The following SLC4A5 variants were observed in gnomAD, a reference collection of about 807,000 sequenced individuals.
SLC4A5 encodes the protein electrogenic sodium bicarbonate cotransporter 4.
A neutral mutation model predicts 120.4 loss-of-function variants in SLC4A5; 96 were observed. That is an observed-to-expected ratio of 0.80 (90% CI 0.68 to 0.94). The LOEUF is 0.94. Ranked by LOEUF, SLC4A5 falls within the 40% of genes least tolerant of loss-of-function variation. The pLI is 0.00. For missense variants in SLC4A5, 1,259 were observed against 1,459.5 expected (o/e 0.86, Z 2.24); for synonymous variants, 550 against 571.1 (o/e 0.96, Z 0.53).
intron 15 of SLC4A5, 27 bp downstream of exon 15, chr2:74,252,947 C>G: frequency 1.2e-6 from 2 of 1,612,544 alleles, no homozygotes; most frequent in East Asian, 4.5e-5. Context: ...TCCTTTTTCT[C>G]TCCCTACTGC....
chr2:74,330,975 G>A (rs112650891), intron 4 of SLC4A5, among the ~76,000 whole-genome samples: 9,745 of 90,526 alleles, frequency 0.11, no homozygotes, highest in Non-Finnish European at 0.11. Context: ...GATGGTGGTG[G>A]TGAGGTCTAG....
At chr2:74,270,088 A>T (rs1671425902) in intron 8 of SLC4A5, among the ~76,000 whole-genome samples, 1 of 152,236 alleles carries the variant, frequency 6.6e-6, no homozygotes, top group African/African-American at 2.4e-5. Flanking sequence ...CCAATGCCAG[A>T]ACTAGACTCT....
chr2:74,267,817 G>A (rs1465360849), intron 8 of SLC4A5, among the ~76,000 whole-genome samples: 6 of 152,136 alleles, frequency 3.9e-5, no homozygotes, highest in African/African-American at 1.4e-4. Context: ...GCAACATGGT[G>A]AAACCCTGAC....
chr2:74,237,919 T>C (rs906288152), intron 21 of SLC4A5, among the ~76,000 whole-genome samples: 3 of 152,010 alleles, frequency 2.0e-5, no homozygotes, highest in African/African-American at 4.8e-5. Flanking sequence ...CTGGCCAGCA[T>C]GGTGAAACCC....
intron 7 of SLC4A5, among the ~76,000 whole-genome samples, chr2:74,291,695 C>T (rs1672177896): frequency 6.6e-6 from 1 of 152,194 alleles, no homozygotes; most frequent in Non-Finnish European, 1.5e-5. Context: ...GTTTTGAACT[C>T]CTGTGCTCAG....
At chr2:74,324,292 G>A (rs1210355332) in intron 5 of SLC4A5, among the ~76,000 whole-genome samples, 1 of 152,186 alleles carries the variant, frequency 6.6e-6, no homozygotes, top group Non-Finnish European at 1.5e-5. Context: ...TTGGGGTCTC[G>A]CTTTGTCGCC....
At chr2:74,280,156 A>G (rs1278427923) in intron 8 of SLC4A5, among the ~76,000 whole-genome samples, 2 of 151,928 alleles carry the variant, frequency 1.3e-5, no homozygotes, top group Non-Finnish European at 2.9e-5. Flanking sequence ...CCTGCCTCCT[A>G]TTCTACAGTC....
intron 28 of SLC4A5, among the ~76,000 whole-genome samples, chr2:74,224,276 TG>T (rs1694763498): frequency 6.6e-6 from 1 of 152,196 alleles, no homozygotes; most frequent in South Asian, 2.1e-4. Context: ...GAGGGGCAGA[TG>T]GGGCAACCAT....
rs77623490 is a variant in SLC4A5, at chr2:74,239,657, C to A, written c.2119-122G>T. On this transcript the variant is annotated intron_variant, in intron 20 of 30. Transcript: ENST00000394019. The stretch of plus-strand genomic sequence containing the variant: ...CCACCCTCTGAGGGACCCCAGCCCC[C>A]CAGAGTGATGTTCCTGGGGACGGGC... 282 of 899,396 alleles carry A rather than the reference C, an allele frequency of 3.1e-4. No individual in the cohort carries two copies. In the East Asian group the frequency reaches 5.0e-3, roughly 16 times the overall value. The allele number at this position is 899,396 out of a possible 1,614,324, so 55.7% of individuals were successfully genotyped here. A position where few individuals can be genotyped will look rare whatever the true frequency, so the allele number is the denominator to read the frequency against.
At chr2:74,266,721 T>G (rs1243697005) in intron 8 of SLC4A5, among the ~76,000 whole-genome samples, 1 of 152,126 alleles carries the variant, frequency 6.6e-6, no homozygotes, top group Non-Finnish European at 1.5e-5. Flanking sequence ...AATGCAAATA[T>G]ACTAGAAGAG....
exon 23 of SLC4A5, chr2:74,233,527 A>G: frequency 3.7e-6 from 6 of 1,613,978 alleles, no homozygotes; most frequent in Non-Finnish European, 5.1e-6. Flanking sequence ...TTCTTCCCAA[A>G]GGGGGCCACG....
intron 7 of SLC4A5, among the ~76,000 whole-genome samples, chr2:74,292,757 G>A (rs1267115285): frequency 6.6e-6 from 1 of 152,070 alleles, no homozygotes; most frequent in East Asian, 1.9e-4. Flanking sequence ...AAAGATCTGG[G>A]AGCCATTATG....
At chr2:74,235,135 T>C (rs759963196) in exon 22 of SLC4A5, 3 of 1,614,102 alleles carry the variant, frequency 1.9e-6, no homozygotes, top group Non-Finnish European at 2.5e-6. Flanking sequence ...CTTGGGAGTT[T>C]CTAGGCCAAA....
At chr2:74,248,978 A>T (rs1476928267) in intron 17 of SLC4A5, among the ~76,000 whole-genome samples, 3 of 152,218 alleles carry the variant, frequency 2.0e-5, no homozygotes, top group African/African-American at 7.2e-5. Flanking sequence ...TAACCAGGCA[A>T]TTCCCATATA....
intron 7 of SLC4A5, among the ~76,000 whole-genome samples, chr2:74,296,100 G>T (rs1049959930): frequency 3.3e-5 from 5 of 152,128 alleles, no homozygotes; most frequent in Non-Finnish European, 5.9e-5. Flanking sequence ...ACTAACTCAA[G>T]ATTCTCTCCT....
chr2:74,286,975 C>T (rs1442323035), intron 7 of SLC4A5, among the ~76,000 whole-genome samples: 3 of 152,168 alleles, frequency 2.0e-5, no homozygotes, highest in Non-Finnish European at 4.4e-5. Context: ...CACCCCACTG[C>T]ACAGGCTAGA....
chr2:74,321,301 C>T (rs1284188651), intron 5 of SLC4A5, among the ~76,000 whole-genome samples: 1 of 152,190 alleles, frequency 6.6e-6, no homozygotes, highest in East Asian at 1.9e-4. Context: ...CACCCTTCAG[C>T]TCTCTCTGGC....
intron 20 of SLC4A5, among the ~76,000 whole-genome samples, chr2:74,241,793 T>A (rs1162268843): frequency 2.7e-5 from 4 of 150,066 alleles, no homozygotes; most frequent in Non-Finnish European, 4.4e-5. Flanking sequence ...GAATGAGGCA[T>A]GTTTTTAAGT....
intron 17 of SLC4A5, 37 bp downstream of exon 17, chr2:74,250,306 T>C: frequency 1.9e-6 from 3 of 1,593,560 alleles, no homozygotes; most frequent in Non-Finnish European, 2.6e-6. Context: ...TGGCGGCAGA[T>C]CTTACTTTTA....
Sources: allele counts gnomAD v4.1 joint callset (sites outside exome capture counted in the v4.1 genomes callset), GRCh38; gene constraint gnomAD v4.1.1; transcripts MANE v1.5; gene names NCBI Gene and HGNC (gene_info 2026-07-23, HGNC 2026-07-21).